The following GALNT13 variants were observed in gnomAD, a reference collection of about 807,000 sequenced individuals.
GALNT13 encodes the protein polypeptide N-acetylgalactosaminyltransferase 13.
In GALNT13, 28 loss-of-function variants were observed where a neutral mutation model predicts 64.2. The ratio of observed to expected loss-of-function variants is 0.44; its 90% CI spans 0.32 to 0.60. The LOEUF (loss-of-function observed/expected upper bound fraction) is 0.60, where lower values mean the gene tolerates loss of function less well. Among genes scored for constraint, GALNT13 ranks in the 20% least tolerant of loss-of-function variants. The pLI, the probability that GALNT13 is intolerant of heterozygous loss-of-function variation, is 0.05. For missense variants in GALNT13, 577 were observed against 669.8 expected (o/e 0.86, Z 1.53); for synonymous variants, 214 against 224.6 (o/e 0.95, Z 0.42).
the GALNT13 span, among the ~76,000 whole-genome samples, chr2:153,390,309 C>T: frequency 7.2e-5 from 11 of 151,870 alleles, no homozygotes; most frequent in East Asian, 1.2e-3. Flanking sequence ...CAGGGCCTGT[C>T]GGGAGGTGGG....
chr2:153,079,993 A>AT, the GALNT13 span, among the ~76,000 whole-genome samples: 12,577 of 152,068 alleles, frequency 0.083, 675 homozygotes, highest in Non-Finnish European at 0.12. Context: ...GGCAAGTTGT[A>AT]TTTTTTTCCT....
the GALNT13 span, among the ~76,000 whole-genome samples, chr2:153,247,151 C>T: frequency 6.6e-6 from 1 of 152,120 alleles, no homozygotes; most frequent in Non-Finnish European, 1.5e-5. Flanking sequence ...TTCTTAGAGA[C>T]CTACAGAGAG....
At chr2:154,146,140 A>G (rs568662309) in intron 4 of GALNT13, among the ~76,000 whole-genome samples, 28 of 150,722 alleles carry the variant, frequency 1.9e-4, no homozygotes, top group African/African-American at 5.1e-4. Flanking sequence ...GTGTGTGTAT[A>G]TATATATATA....
chr2:153,644,937 T>C, the GALNT13 span, among the ~76,000 whole-genome samples: 2 of 152,154 alleles, frequency 1.3e-5, no homozygotes, highest in Non-Finnish European at 2.9e-5. Context: ...ATATCCTACA[T>C]ATGCCTTCTC....
chr2:154,400,132 G>A (rs1401457036), intron 10 of GALNT13, among the ~76,000 whole-genome samples: 1 of 152,088 alleles, frequency 6.6e-6, no homozygotes, highest in Admixed American at 6.6e-5. Context: ...AGTTAGAGTT[G>A]AACTGTTAAT....
At chr2:154,279,950 G>T (rs1046568465) in intron 8 of GALNT13, among the ~76,000 whole-genome samples, 1 of 151,738 alleles carries the variant, frequency 6.6e-6, no homozygotes, top group Non-Finnish European at 1.5e-5. Context: ...AAAAAAAAAA[G>T]TGCCTGTAAG....
At chr2:153,352,448 T>G in the GALNT13 span, among the ~76,000 whole-genome samples, 1 of 152,152 alleles carries the variant, frequency 6.6e-6, no homozygotes, top group African/African-American at 2.4e-5. Context: ...CAGAAAATCT[T>G]AAATTTAATA....
the GALNT13 span, among the ~76,000 whole-genome samples, chr2:153,825,750 C>A: frequency 6.6e-6 from 1 of 151,728 alleles, no homozygotes. Flanking sequence ...GCAGGAACAG[C>A]CTAAAAAACG....
the GALNT13 span, among the ~76,000 whole-genome samples, chr2:153,611,352 C>G: frequency 3.3e-5 from 5 of 152,166 alleles, no homozygotes; most frequent in African/African-American, 1.2e-4. Context: ...CCTGCCCCCC[C>G]GTCCGCCTTT....
At chr2:154,305,401 A>C (rs1042114815) in intron 9 of GALNT13, among the ~76,000 whole-genome samples, 2 of 152,154 alleles carry the variant, frequency 1.3e-5, no homozygotes, top group Non-Finnish European at 2.9e-5. Flanking sequence ...ACACACACAC[A>C]CACACGCGTA....
chr2:154,313,281 T>C (rs1158499810), intron 9 of GALNT13, among the ~76,000 whole-genome samples: 2 of 148,158 alleles, frequency 1.3e-5, no homozygotes, highest in Non-Finnish European at 3.0e-5. Flanking sequence ...AGAACTTAAG[T>C]TCTATTCACT....
intron 3 of GALNT13, among the ~76,000 whole-genome samples, chr2:154,039,410 C>A (rs773922487): frequency 1.4e-5 from 2 of 140,212 alleles, no homozygotes; most frequent in Non-Finnish European, 3.3e-5. Context: ...TATGTATACA[C>A]AATGGAATAT....
the GALNT13 span, among the ~76,000 whole-genome samples, chr2:153,350,364 C>A: frequency 6.7e-6 from 1 of 149,370 alleles, no homozygotes; most frequent in South Asian, 2.1e-4. Context: ...TTTATTTATG[C>A]ATGGTCTGTT....
chr2:153,257,815 T>C, the GALNT13 span, among the ~76,000 whole-genome samples: 1 of 152,186 alleles, frequency 6.6e-6, no homozygotes, highest in African/African-American at 2.4e-5. Context: ...TCTTTTGCAA[T>C]AGGACACAAT....
intron 3 of GALNT13, among the ~76,000 whole-genome samples, chr2:154,001,947 G>GT (rs1357010246): frequency 2.0e-5 from 3 of 151,886 alleles, no homozygotes; most frequent in South Asian, 4.2e-4. Context: ...TTGTTGAAAG[G>GT]TTTTTTTGTG....
intron 9 of GALNT13, among the ~76,000 whole-genome samples, chr2:154,329,853 C>T (rs1056281568): frequency 6.6e-6 from 1 of 152,028 alleles, no homozygotes; most frequent in Non-Finnish European, 1.5e-5. Context: ...GATCTCTGTG[C>T]AGAATGGCTC....
At chr2:153,950,169 A>G (rs1195558037) in intron 3 of GALNT13, among the ~76,000 whole-genome samples, 1 of 151,984 alleles carries the variant, frequency 6.6e-6, no homozygotes, top group African/African-American at 2.4e-5. Flanking sequence ...TAGAATATAT[A>G]TAAAGCAAAC....
the GALNT13 span, among the ~76,000 whole-genome samples, chr2:153,366,413 A>T: frequency 1.3e-5 from 2 of 152,148 alleles, no homozygotes; most frequent in East Asian, 3.8e-4. Context: ...AAATAAAAAT[A>T]AAAATTAAAA....
At chr2:154,239,824 T>C (rs1329044721) in intron 4 of GALNT13, among the ~76,000 whole-genome samples, 1 of 152,212 alleles carries the variant, frequency 6.6e-6, no homozygotes, top group Non-Finnish European at 1.5e-5. Context: ...ATTGGGTAGG[T>C]GATCTTTTAG....
Sources: gnomAD v4.1 joint callset for allele counts (sites outside exome capture counted in the v4.1 genomes callset) on GRCh38, gnomAD v4.1.1 for gene constraint, MANE v1.5 for transcripts, NCBI Gene and HGNC (gene_info 2026-07-23, HGNC 2026-07-21) for gene names.